The following WIZ variants were observed in gnomAD, a reference collection of about 807,000 sequenced individuals.
The protein encoded by WIZ is protein Wiz.
WIZ carries 25 observed loss-of-function variants against 140.2 expected under a neutral mutation model. The ratio of observed to expected loss-of-function variants is 0.18; its 90% confidence interval spans 0.13 to 0.25. WIZ has a LOEUF of 0.25. Among genes scored for constraint, WIZ ranks in the 10% least tolerant of loss-of-function variants. The pLI is 1.00. For synonymous variants in WIZ, 1,125 were observed against 1,154.3 expected (o/e 0.97, Z 0.51); for missense variants, 2,231 against 2,632.6 (o/e 0.85, Z 3.34).
chr19:15,424,494 G>T lies in WIZ; in HGVS notation c.5315-116C>A, dbSNP rs558358274. The T allele has an allele frequency of 2.0e-6, 3 of 1,530,212 alleles. No individual in the cohort carries two copies. The Admixed American group carries it at 6.2e-5, about 31-fold the overall frequency. 94.8% of individuals were successfully genotyped at this position (1,530,212 alleles called of 1,614,324 possible). A position where few individuals can be genotyped will look rare whatever the true frequency, so the allele number is the denominator to read the frequency against. On this transcript the variant is annotated intron_variant, in intron 11 of 12. Coordinates refer to ENST00000673675, the MANE Select transcript of WIZ (RefSeq NM_001371589.1). This position sits in a 1 kb window ranked among gnomAD's most constrained non-coding sequence, Gnocchi z 9.7. Reference sequence around the variant, plus strand: ...GATGGGTGGGATGGGGGATGGATGGGTGAATGGGTAAGCAACTGGAGAAAG... The same window carrying T: ...GATGGGTGGGATGGGGGATGGATGGTTGAATGGGTAAGCAACTGGAGAAAG...
At position 15,436,919 on chromosome 19, in the gene WIZ, C is replaced by T. The variant is rs376481490; in HGVS notation, c.2627G>A (p.Arg876Gln). The T allele has an allele frequency of 1.9e-5, 31 of 1,612,622 alleles. No individual in the cohort carries two copies. Among genetic ancestry groups the T allele is most frequent in the East Asian group, 4.5e-5 (2 of 44,828 alleles). ...AAEQPPSPLG[R>Q]EPGGPPGSFL... Reference sequence around the variant, plus strand: ...GCTGCCAGGCGGACCCCCAGGCTCTCGGCCCAGGGGGCTGGGGGGCTGCTC... The same window carrying T: ...GCTGCCAGGCGGACCCCCAGGCTCTTGGCCCAGGGGGCTGGGGGGCTGCTC... The change falls in exon 5 of 13, where the codon CGA (arginine) becomes CAA (glutamine). Residue 876 changes from arginine to glutamine, a missense_variant. Physicochemically the swap from Arg to Gln is conservative, Grantham distance 43. This residue lies in a region of WIZ where 137 missense variants were observed against 135.8 expected (regional missense o/e 1.01). Transcript: ENST00000673675.
intron 4 of WIZ, 90 bp downstream of exon 4, chr19:15,438,488 C>T: frequency 1.5e-6 from 2 of 1,375,698 alleles, no homozygotes; most frequent in Non-Finnish European, 1.9e-6. Context: ...CCCAGTGTCC[C>T]CCTGCTTGGC....
At position 15,436,934 on chromosome 19, in the gene WIZ, G is replaced by A. The variant is rs1293459553; in HGVS notation, c.2612C>T (p.Pro871Leu). The change falls in exon 5 of 13, where the codon CCC (proline) becomes CTC (leucine). Residue 871 changes from proline (P) to leucine (L), a missense_variant. This residue lies in a region of WIZ where 137 missense variants were observed against 135.8 expected (regional missense o/e 1.01). Coordinates refer to ENST00000673675, the MANE Select transcript of WIZ (RefSeq NM_001371589.1). ...LLATSAAEQP[P>L]SPLGREPGGP... ...CCCAGGCTCTCGGCCCAGGGGGCTG[G>A]GGGGCTGCTCAGCAGCAGAGGTGGC... 6.2e-7 allele frequency: 1 copy of A among 1,613,564 alleles called. No individual in the cohort carries two copies. The highest frequency in any genetic ancestry group is 2.2e-5 in the East Asian group (1 of 44,854).
Position 15,424,876 on chromosome 19 carries a change from G to T in WIZ, c.5051C>A (p.Pro1684His). ...GCTGCGGTAGGCGCCCACCTTCTGG[G>T]GCCGGTGTTTGATCCACTCGCTCAG... ...ETLSEWIKHR[P>H]QKVGAYRSYI... The change falls in exon 11 of 13, where the codon CCC becomes CAC. Residue 1684 changes from proline (P) to histidine (H), a missense_variant. Physicochemically the swap from Pro to His is moderately conservative, Grantham distance 77. Coordinates refer to ENST00000673675, the MANE Select transcript of WIZ (RefSeq NM_001371589.1). This position sits in a 1 kb window ranked among gnomAD's most constrained non-coding sequence, Gnocchi z 9.7. The T allele has an allele frequency of 6.2e-7, 1 of 1,611,162 alleles. No homozygotes were observed. The highest frequency in any genetic ancestry group is 8.5e-7 in the Non-Finnish European group (1 of 1,179,484).
intron 5 of WIZ, among the ~76,000 whole-genome samples, chr19:15,435,962 A>G (rs1241031457): frequency 6.6e-6 from 1 of 152,072 alleles, no homozygotes; most frequent in Non-Finnish European, 1.5e-5. Context: ...ATCTCTACTA[A>G]AAATACAAAA....
chr19:15,424,834 C>T lies in WIZ; in HGVS notation c.5093G>A (p.Arg1698His), dbSNP rs1411772004. 6.2e-6 allele frequency: 10 copies of T among 1,610,008 alleles called. No individual in the cohort carries two copies. The highest frequency in any genetic ancestry group is 7.6e-6 in the Non-Finnish European group (9 of 1,178,974). ...GAYRSYIQGGRPFTKKFRSAG... is the reference protein window; with the variant it reads ...GAYRSYIQGGHPFTKKFRSAG... ...ACTGCGGAACTTCTTGGTGAAGGGGCGGCCGCCCTGGATGTAGCTGCGGTA... is the reference window on the plus strand; with the variant it reads ...ACTGCGGAACTTCTTGGTGAAGGGGTGGCCGCCCTGGATGTAGCTGCGGTA... Residue 1698 changes from arginine to histidine, a missense_variant, in exon 11 of 13, where the codon CGC becomes CAC. Transcript: ENST00000673675. The surrounding 1 kb of genome is among the most constrained non-coding windows in gnomAD (Gnocchi z 9.7).
In WIZ at chr19:15,438,561, A is replaced by C; in HGVS notation, c.2416+17T>G. 1 of 1,483,544 alleles carries C rather than the reference A, an allele frequency of 6.7e-7. No homozygotes were observed. Among genetic ancestry groups the C allele is most frequent in the African/African-American group, 1.4e-5 (1 of 71,782 alleles). The allele number at this position is 1,483,544 out of a possible 1,614,324, so 91.9% of individuals were successfully genotyped here. On this transcript the variant is annotated intron_variant, in intron 4 of 12. Coordinates refer to ENST00000673675, the MANE Select transcript of WIZ (RefSeq NM_001371589.1). ...AGCCATGTGTCTCCTGGGCCTTTAA[A>C]AGTGAAGCTGCCCTACCTTTTTTCT...
Position 15,439,915 on chromosome 19 carries a change from G to C in WIZ, c.1079C>G (p.Ala360Gly). The C allele has an allele frequency of 3.3e-6, 5 of 1,530,458 alleles. No homozygotes were observed. Among genetic ancestry groups the C allele is most frequent in the Non-Finnish European group, 4.4e-6 (5 of 1,143,780 alleles). The allele number at this position is 1,530,458 out of a possible 1,614,324, so 94.8% of individuals were successfully genotyped here. A position where few individuals can be genotyped will look rare whatever the true frequency, so the allele number is the denominator to read the frequency against. Residue 360 changes from alanine to glycine, a missense_variant, in exon 4 of 13, where the codon GCC becomes GGC. Transcript: ENST00000673675. The surrounding 1 kb of genome is among the most constrained non-coding windows in gnomAD (Gnocchi z 7.0). The part of the protein sequence containing the change: ...APLACGECGW[A>G]FADPTALEQH... ...CTCCAGGGCAGTGGGGTCAGCAAAGGCCCAGCCACACTCCCCGCAGGCCAG... is the reference window on the plus strand; with the variant it reads ...CTCCAGGGCAGTGGGGTCAGCAAAGCCCCAGCCACACTCCCCGCAGGCCAG...
At chr19:15,435,870 C>T (rs1969498682) in intron 5 of WIZ, among the ~76,000 whole-genome samples, 1 of 152,180 alleles carries the variant, frequency 6.6e-6, no homozygotes, top group Non-Finnish European at 1.5e-5. Flanking sequence ...CGCCTGTAAT[C>T]CCAGCTCTTT....
chr19:15,424,454 G>A lies in WIZ; in HGVS notation c.5315-76C>T. On this transcript the variant is annotated intron_variant, in intron 11 of 12. Transcript: ENST00000673675. The surrounding 1 kb of genome is among the most constrained non-coding windows in gnomAD (Gnocchi z 9.7). ...AGACTTGGAATACACAAGAGCTGAG[G>A]ACTGATGCTACCTGGATGGGTGGGA... is the stretch of plus-strand genomic sequence containing the variant. 1.9e-6 allele frequency: 3 copies of A among 1,553,878 alleles called. No individual in the cohort carries two copies. Among genetic ancestry groups the A allele is most frequent in the Admixed American group, 2.0e-5 (1 of 50,562 alleles).
Position 15,438,995 on chromosome 19 carries a change from C to T in WIZ, c.1999G>A (p.Ala667Thr). The T allele has an allele frequency of 6.8e-7, 1 of 1,477,672 alleles. No individual in the cohort carries two copies. Among genetic ancestry groups the T allele is most frequent in the Non-Finnish European group, 8.9e-7 (1 of 1,117,416 alleles). The allele number at this position is 1,477,672 out of a possible 1,614,324, so 91.5% of individuals were successfully genotyped here. The change falls in exon 4 of 13, where the codon GCA becomes ACA. Residue 667 changes from alanine (A) to threonine (T), a missense_variant. Around this residue, in one of 15 missense-constraint regions of WIZ, gnomAD observed 475 missense variants for 520.2 expected, o/e 0.91. Transcript: ENST00000673675. ...LKQAFREALQ[A>T]VEATQGQQQQ... ...TGCTGCCCCTGGGTGGCCTCTACTG[C>T]CTGCAGGGCCTCTCGGAATGCCTGC... is the stretch of plus-strand genomic sequence containing the variant.
At chr19:15,432,510 T>TGGCGGTGGTGGTGGCGGC (rs1208208159) in intron 5 of WIZ, 7 of 631,078 alleles carry the variant, frequency 1.1e-5, no homozygotes, top group African/African-American at 8.8e-5. Context: ...GCGGTGGCGG[T>TGGCGGTGGTGGTGGCGGC]GGCGGTGGTG....
rs1969717745 is a variant in WIZ at position 15,440,840 on chromosome 19, G to A, written c.279-125C>T. On this transcript the variant is annotated intron_variant, in intron 3 of 12. Transcript: ENST00000673675. This position sits in a 1 kb window ranked among gnomAD's most constrained non-coding sequence, Gnocchi z 6.2. The stretch of plus-strand genomic sequence containing the variant: ...GGAGATCCAGCCCGAGGGTGACAGG[G>A]GTGTGGGGGTGAGGGTGGGAGGTAG... 2.1e-6 allele frequency: 2 copies of A among 946,332 alleles called. No individual in the cohort carries two copies. Among genetic ancestry groups the A allele is most frequent in the Non-Finnish European group, 1.5e-6 (1 of 656,224 alleles). 58.6% of individuals were successfully genotyped at this position (946,332 alleles called of 1,614,324 possible).
Position 15,425,611 on chromosome 19 carries a change from C to T in WIZ, c.4524G>A (p.Glu1508=), listed in dbSNP as rs1968705637. ...VNGSPIDTLR[E]ILKKKSKPCL... is the part of the protein sequence containing the mutation. Reference sequence around the variant, plus strand: ...ACGGCTTGGACTTCTTCTTGAGGATCTCTCGCAGTGTGTCGATGGGCGAAC... The same window carrying T: ...ACGGCTTGGACTTCTTCTTGAGGATTTCTCGCAGTGTGTCGATGGGCGAAC... The change falls in exon 10 of 13, where the codon GAG becomes GAA. Residue 1508 remains glutamate (E), a synonymous_variant. Coordinates refer to ENST00000673675, the MANE Select transcript of WIZ (RefSeq NM_001371589.1). 1 of 1,613,560 alleles carries T rather than the reference C, an allele frequency of 6.2e-7. No individual in the cohort carries two copies. Among genetic ancestry groups the T allele is most frequent in the African/African-American group, 1.3e-5 (1 of 74,830 alleles).
intron 5 of WIZ, among the ~76,000 whole-genome samples, chr19:15,433,602 C>G (rs547624470): frequency 1.3e-5 from 2 of 152,350 alleles, no homozygotes; most frequent in East Asian, 3.9e-4. Context: ...CCTGGCTCCT[C>G]TCATCCGTAG....
At position 15,427,435 on chromosome 19, in the gene WIZ, G is replaced by A. The variant is rs1265688494; in HGVS notation, c.3913C>T (p.Arg1305Trp). Residue 1305 changes from arginine to tryptophan, a missense_variant, in exon 9 of 13, where the codon CGG becomes TGG. Arg to Trp is a moderately radical substitution (Grantham distance 101). Coordinates refer to ENST00000673675, the MANE Select transcript of WIZ (RefSeq NM_001371589.1). This position sits in a 1 kb window ranked among gnomAD's most constrained non-coding sequence, Gnocchi z 6.4. ...TACCACTCGGTCACGCCCATTTGCC[G>A]CAGATGGGAGCGCGCGTGGCTCGAG... ...GLSSHARSHL[R>W]QMGVTEWYVN... 3 of 1,613,620 alleles carry A rather than the reference G, an allele frequency of 1.9e-6. No homozygotes were observed. Among genetic ancestry groups the A allele is most frequent in the Non-Finnish European group, 1.7e-6 (2 of 1,180,036 alleles).
At chr19:15,448,436 C>T in intron 1 of WIZ, 69 bp from the exon 2 acceptor site, 2 of 1,215,308 alleles carry the variant, frequency 1.6e-6, no homozygotes, top group Non-Finnish European at 2.3e-6. Context: ...TCCCATCCCT[C>T]AAAACCTCAG....
rs1362457392 is a variant in WIZ at position 15,439,966 on chromosome 19, T to C, written c.1028A>G (p.Gln343Arg). The change falls in exon 4 of 13, where the codon CAG (glutamine) becomes CGG (arginine). Residue 343 changes from glutamine (Q) to arginine (R), a missense_variant. This residue lies in a region of WIZ where 475 missense variants were observed against 520.2 expected (regional missense o/e 0.91). Transcript: ENST00000673675. The surrounding 1 kb of genome is among the most constrained non-coding windows in gnomAD (Gnocchi z 7.0). ...CGGGGCCAGGTCCGCAGGGGGCTCCTGGCCCGGGGCTCGGCGGTGCTGGCT... is the reference window on the plus strand; with the variant it reads ...CGGGGCCAGGTCCGCAGGGGGCTCCCGGCCCGGGGCTCGGCGGTGCTGGCT... ...HMSQHRRAPG[Q>R]EPPADLAPLA... 6.5e-7 allele frequency: 1 copy of C among 1,535,632 alleles called. No homozygotes were observed. The highest frequency in any genetic ancestry group is 8.7e-7 in the Non-Finnish European group (1 of 1,146,668).
Position 15,428,249 on chromosome 19 carries a change from A to T in WIZ, c.3675T>A (p.Leu1225=), listed in dbSNP as rs761440973. ...PPPTSAALSL[L]PPPPPAKKAK... is the part of the protein sequence containing the mutation. ...CCTTCTTGGCCGGCGGTGGGGGGGG[A>T]AGCAAGGAGAGGGCCGCGGAGGTGG... Residue 1225 remains leucine (L), a synonymous_variant, in exon 8 of 13, where the codon CTT becomes CTA. Coordinates refer to ENST00000673675, the MANE Select transcript of WIZ (RefSeq NM_001371589.1). This position sits in a 1 kb window ranked among gnomAD's most constrained non-coding sequence, Gnocchi z 6.4. The T allele has an allele frequency of 1.3e-6, 2 of 1,525,982 alleles. No homozygotes were observed. Among genetic ancestry groups the T allele is most frequent in the Non-Finnish European group, 1.7e-6 (2 of 1,143,400 alleles). The allele number at this position is 1,525,982 out of a possible 1,614,324, so 94.5% of individuals were successfully genotyped here. A position where few individuals can be genotyped will look rare whatever the true frequency, so the allele number is the denominator to read the frequency against.
Sources: gnomAD v4.1 joint callset for allele counts (sites outside exome capture counted in the v4.1 genomes callset) on GRCh38, gnomAD v4.1.1 for gene constraint, gnomAD v4.1.1 regional missense constraint, Gnocchi (gnomAD v3.1) non-coding constraint, MANE v1.5 for transcripts, NCBI Gene and HGNC (gene_info 2026-07-23, HGNC 2026-07-21) for gene names.